PRKAG2: variants seen among roughly 807,000 people sequenced by gnomAD.
The protein encoded by PRKAG2 is protein kinase AMP-activated non-catalytic subunit gamma 2, also known as 5'-AMP-activated protein kinase subunit gamma-2.
Under a neutral mutation model 69.6 loss-of-function variants are expected in PRKAG2, and 26 were observed. The observed-to-expected ratio is 0.37, with a 90% CI of 0.27 to 0.52. PRKAG2 has a LOEUF of 0.52. Ranked by LOEUF, PRKAG2 falls within the 20% of genes least tolerant of loss-of-function variation. The pLI, the probability that PRKAG2 is intolerant of heterozygous loss-of-function variation, is 0.90. For synonymous variants in PRKAG2, 293 were observed against 285.0 expected, an observed-to-expected ratio of 1.03 and a Z score of -0.28; for missense variants, 557 against 740.0, an observed-to-expected ratio of 0.75 and a Z score of 2.87.
intron 4 of PRKAG2, 44 bp downstream of exon 4, chr7:151,675,376 C>T: frequency 1.3e-6 from 2 of 1,576,972 alleles, no homozygotes; most frequent in Middle Eastern, 3.3e-4. Context: ...TCTGCCCTCC[C>T]TCTGCCACCC....
At chr7:151,787,591 C>T (rs755639386) in intron 1 of PRKAG2, among the ~76,000 whole-genome samples, 2 of 152,174 alleles carry the variant, frequency 1.3e-5, no homozygotes, top group Non-Finnish European at 1.5e-5. Flanking sequence ...ATTCCGCTTA[C>T]GCATTCATCA....
chr7:151,800,390 T>A (rs1230806715), intron 1 of PRKAG2, among the ~76,000 whole-genome samples: 1 of 148,610 alleles, frequency 6.7e-6, no homozygotes, highest in East Asian at 2.0e-4. Flanking sequence ...TCGCCTCCCA[T>A]CTCTGGTCGT....
Position 151,826,309 on chromosome 7 carries a change from T to C in PRKAG2, c.115-39768A>G, listed in dbSNP as rs571760327. ...GATTCTCCCACCTCAGCCTCCCGAG[T>C]AGCTGGGATTACAGGCACCGACCAC... On this transcript the variant is annotated intron_variant, in intron 1 of 15. Transcript: ENST00000287878. Among the ~76,000 whole-genome samples, 210 of 152,026 alleles carry C rather than the reference T, an allele frequency of 1.4e-3. 1 individual carries two copies. In the South Asian group the frequency reaches 0.017, roughly 12 times the overall value.
At chr7:151,561,819 GCTA>G (rs1159861881) in intron 14 of PRKAG2, among the ~76,000 whole-genome samples, 1 of 151,994 alleles carries the variant, frequency 6.6e-6, no homozygotes, top group Non-Finnish European at 1.5e-5. Flanking sequence ...TGTAGTCCCA[GCTA>G]CTCAGGAGGC....
At chr7:151,755,936 T>C (rs1033381235) in intron 3 of PRKAG2, among the ~76,000 whole-genome samples, 3 of 152,232 alleles carry the variant, frequency 2.0e-5, no homozygotes, top group Non-Finnish European at 2.9e-5. Flanking sequence ...GTGCACACCA[T>C]GAGGTTCCTC....
chr7:151,557,048 T>C lies in PRKAG2; in HGVS notation c.*153A>G, dbSNP rs1803899924. 1 of 1,323,092 alleles carries C rather than the reference T, an allele frequency of 7.6e-7. No homozygotes were observed. The highest frequency in any genetic ancestry group is 1.1e-6 in the Non-Finnish European group (1 of 936,610). 82.0% of individuals were successfully genotyped at this position (1,323,092 alleles called of 1,614,324 possible). A position where few individuals can be genotyped will look rare whatever the true frequency, so the allele number is the denominator to read the frequency against. ...ATCTTCAAGCACATAAAATCTTTCT[T>C]TTTTAAGCTTAATTTCAACATCACT... On this transcript the variant is annotated 3_prime_UTR_variant, in exon 16 of 16. Transcript: ENST00000287878.
At chr7:151,585,879 T>G (rs1811540181) in intron 6 of PRKAG2, among the ~76,000 whole-genome samples, 1 of 152,128 alleles carries the variant, frequency 6.6e-6, no homozygotes, top group Non-Finnish European at 1.5e-5. Flanking sequence ...AGGAGACGGG[T>G]GGGCGGGTGA....
At chr7:151,710,740 T>C (rs547613954) in intron 3 of PRKAG2, among the ~76,000 whole-genome samples, 1 of 152,322 alleles carries the variant, frequency 6.6e-6, no homozygotes, top group Admixed American at 6.5e-5. Flanking sequence ...GATACACACA[T>C]GGAGATGTCA....
rs1027961966 is a variant in PRKAG2 at position 151,850,776 on chromosome 7, A to T, written c.114+25731T>A. Among the ~76,000 whole-genome samples the T allele has an allele frequency of 6.6e-6, 1 of 152,208 alleles. No individual in the cohort carries two copies. ...TGAGCGCTGCCTCGCAGTTGTGCAA[A>T]TCAGTTCAGCTCAGTGAGTTTTAAT... On this transcript the variant is annotated intron_variant, in intron 1 of 15. Coordinates refer to ENST00000287878, the MANE Select transcript of PRKAG2 (RefSeq NM_016203.4). This position sits in a 1 kb window ranked among gnomAD's most constrained non-coding sequence, Gnocchi z 4.1.
At chr7:151,713,827 C>T (rs569430621) in intron 3 of PRKAG2, among the ~76,000 whole-genome samples, 7 of 152,220 alleles carry the variant, frequency 4.6e-5, no homozygotes, top group African/African-American at 1.4e-4. Flanking sequence ...CTTCCTACCT[C>T]GGCCTCCCAA....
intron 4 of PRKAG2, among the ~76,000 whole-genome samples, chr7:151,655,959 T>C (rs11970853): frequency 0.024 from 3,621 of 152,308 alleles, 139 homozygotes; most frequent in African/African-American, 0.082. Context: ...CTCTGTGACA[T>C]GGTAAAAGTC....
At chr7:151,691,190 C>A (rs1835607457) in intron 3 of PRKAG2, among the ~76,000 whole-genome samples, 1 of 152,118 alleles carries the variant, frequency 6.6e-6, no homozygotes, top group Admixed American at 6.5e-5. Context: ...ACACACCCTC[C>A]TGTATACTTT....
chr7:151,676,251 GGGGAGGGGAC>G (rs905464254), intron 3 of PRKAG2, among the ~76,000 whole-genome samples: 1 of 150,150 alleles, frequency 6.7e-6, no homozygotes, highest in Non-Finnish European at 1.5e-5. Context: ...GGAGGGGGAG[GGGGAGGGGAC>G]GGGAGGGGAG....
chr7:151,701,328 A>G (rs1217217814), intron 3 of PRKAG2, among the ~76,000 whole-genome samples: 1 of 152,222 alleles, frequency 6.6e-6, no homozygotes, highest in Non-Finnish European at 1.5e-5. Flanking sequence ...ATGGGTTGAA[A>G]TGTGTCTCCC....
In PRKAG2 at chr7:151,632,269, G is replaced by C; in HGVS notation, c.685-131C>G. 1 of 1,022,434 alleles carries C rather than the reference G, an allele frequency of 9.8e-7. No individual in the cohort carries two copies. Among genetic ancestry groups the C allele is most frequent in the Non-Finnish European group, 1.2e-6 (1 of 853,628 alleles). The allele number at this position is 1,022,434 out of a possible 1,614,324, so 63.3% of individuals were successfully genotyped here. ...CGGGAGGAGGGGCCTGGCAGGGGACGCGGGCAGCGGGGGCCGGGGGCGGAG... is the reference window on the plus strand; with the variant it reads ...CGGGAGGAGGGGCCTGGCAGGGGACCCGGGCAGCGGGGGCCGGGGGCGGAG... On this transcript the variant is annotated intron_variant, in intron 4 of 15. Coordinates refer to ENST00000287878, the MANE Select transcript of PRKAG2 (RefSeq NM_016203.4). The surrounding 1 kb of genome is among the most constrained non-coding windows in gnomAD (Gnocchi z 4.2).
intron 3 of PRKAG2, among the ~76,000 whole-genome samples, chr7:151,736,829 G>A (rs1563558662): frequency 6.6e-6 from 1 of 152,214 alleles, no homozygotes; most frequent in Non-Finnish European, 1.5e-5. Context: ...CAGCATGACA[G>A]AGCTGGAAGA....
intron 4 of PRKAG2, among the ~76,000 whole-genome samples, chr7:151,654,193 T>C (rs964522060): frequency 1.3e-5 from 2 of 152,174 alleles, no homozygotes; most frequent in Admixed American, 6.5e-5. Context: ...GGAAAGCCTT[T>C]CTTCCATTTA....
intron 4 of PRKAG2, among the ~76,000 whole-genome samples, chr7:151,648,619 AT>A (rs1401826800): frequency 6.6e-6 from 1 of 152,220 alleles, no homozygotes; most frequent in Non-Finnish European, 1.5e-5. Flanking sequence ...GCTTTAGGGA[AT>A]GAAAATCTAA....
At chr7:151,804,611 G>A (rs1413577800) in intron 1 of PRKAG2, among the ~76,000 whole-genome samples, 1 of 152,198 alleles carries the variant, frequency 6.6e-6, no homozygotes, top group Non-Finnish European at 1.5e-5. Flanking sequence ...CTATGATGTA[G>A]GAGAGTCTAT....
Sources: allele counts gnomAD v4.1 joint callset (sites outside exome capture counted in the v4.1 genomes callset), GRCh38; gene constraint gnomAD v4.1.1; non-coding constraint Gnocchi (gnomAD v3.1); transcripts MANE v1.5; gene names NCBI Gene and HGNC (gene_info 2026-07-23, HGNC 2026-07-21).